Variants in IGSF11 observed in about 807,000 individuals in gnomAD.
The protein encoded by IGSF11 is immunoglobulin superfamily member 11.
Under a neutral mutation model 41.0 loss-of-function variants are expected in IGSF11, and 22 were observed. That is an observed-to-expected ratio of 0.54 (90% CI 0.38 to 0.77). IGSF11 has a LOEUF of 0.77. IGSF11 is among the 30% of genes least tolerant of loss of function. The probability of loss-of-function intolerance (pLI) is 0.00; values close to 1 mark genes in which losing one functional copy is unlikely to be tolerated. For missense variants in IGSF11, 444 were observed against 530.8 expected (o/e 0.84, Z 1.61); for synonymous variants, 219 against 201.3 (o/e 1.09, Z -0.74).
At chr3:119,000,461 G>T in intron 1 of IGSF11, among the ~76,000 whole-genome samples, 1 of 150,772 alleles carries the variant, frequency 6.6e-6, no homozygotes, top group Middle Eastern at 3.5e-3. Flanking sequence ...CTATTCTATC[G>T]TATTTAATGG....
At chr3:119,084,957 C>T (rs2076646424) in intron 1 of IGSF11, among the ~76,000 whole-genome samples, 1 of 152,154 alleles carries the variant, frequency 6.6e-6, no homozygotes. Flanking sequence ...CACAGGTTCA[C>T]AGGCTGGTGT....
chr3:119,058,190 T>A (rs915682285), intron 1 of IGSF11, among the ~76,000 whole-genome samples: 1 of 151,978 alleles, frequency 6.6e-6, no homozygotes. Flanking sequence ...ACAGGCAACC[T>A]ACAAAATGGG....
chr3:119,099,068 A>G (rs1308139451), intron 1 of IGSF11, among the ~76,000 whole-genome samples: 4 of 152,224 alleles, frequency 2.6e-5, no homozygotes. Context: ...AATAAATAAG[A>G]TATGAAAATT....
At chr3:119,035,965 G>A (rs1488074771), upstream of IGSF11, among the ~76,000 whole-genome samples, 1 of 152,114 alleles carries the variant, frequency 6.6e-6, no homozygotes. Context: ...ATGCACAGAA[G>A]AAAAATATGT....
chr3:118,921,899 T>C (rs1366213234), intron 4 of IGSF11, among the ~76,000 whole-genome samples: 1 of 152,120 alleles, frequency 6.6e-6, no homozygotes, highest in Non-Finnish European at 1.5e-5. Flanking sequence ...AGGCAAATTC[T>C]ATAGAATCAT....
chr3:118,960,990 C>T (rs1160166203), intron 1 of IGSF11, among the ~76,000 whole-genome samples: 1 of 152,180 alleles, frequency 6.6e-6, no homozygotes, highest in Non-Finnish European at 1.5e-5. Flanking sequence ...GAAATCTGAC[C>T]TGCCAAAACA....
intron 1 of IGSF11, among the ~76,000 whole-genome samples, chr3:119,110,336 A>C (rs1359450966): frequency 6.6e-6 from 1 of 151,970 alleles, no homozygotes; most frequent in African/African-American, 2.4e-5. Flanking sequence ...TCCCTTTAGC[A>C]TTATGTAATG....
At position 119,050,609 on chromosome 3, in the gene IGSF11, C is replaced by G. The variant is rs1941580694; in HGVS notation, c.49+54535G>C. 2.0e-5 allele frequency among the ~76,000 whole-genome samples: 3 copies of G among 151,978 alleles called. No individual in the cohort carries two copies. The South Asian group carries it at 6.2e-4, about 32-fold the overall frequency. ...GTGGCGATTCCTCAGGGATCTAGAA[C>G]TAGAAATACCATTTGACCCAGCCAT... On this transcript the variant is annotated intron_variant, in intron 1 of 6. Transcript: ENST00000354673.
intron 1 of IGSF11, among the ~76,000 whole-genome samples, chr3:119,081,377 G>C (rs2076583341): frequency 6.6e-6 from 1 of 151,250 alleles, no homozygotes; most frequent in Non-Finnish European, 1.5e-5. Flanking sequence ...ATTTCTTTGT[G>C]CTCTACTCGA....
intron 1 of IGSF11, among the ~76,000 whole-genome samples, chr3:118,957,698 A>G (rs892245836): frequency 6.6e-6 from 1 of 152,224 alleles, no homozygotes; most frequent in Non-Finnish European, 1.5e-5. Flanking sequence ...TGCAATTACT[A>G]GTCTCCACTT....
chr3:119,034,477 G>C (rs1397263100), intron 1 of IGSF11, 54 bp downstream of exon 1: 3 of 1,449,758 alleles, frequency 2.1e-6, no homozygotes, highest in Non-Finnish European at 2.8e-6. Context: ...GCTTCGCCCC[G>C]GGCCCGCCGA....
chr3:119,033,152 T>G (rs1940578527), intron 1 of IGSF11, among the ~76,000 whole-genome samples: 1 of 152,220 alleles, frequency 6.6e-6, no homozygotes, highest in African/African-American at 2.4e-5. Context: ...TATACACAAA[T>G]GCTATTTACA....
chr3:119,012,341 G>A (rs890954804), intron 1 of IGSF11, among the ~76,000 whole-genome samples: 8 of 152,130 alleles, frequency 5.3e-5, no homozygotes, highest in African/African-American at 1.4e-4. Flanking sequence ...AACCTTTCGT[G>A]AGCTTCCCAA....
chr3:118,993,999 T>C (rs936247465), intron 1 of IGSF11, among the ~76,000 whole-genome samples: 1 of 152,374 alleles, frequency 6.6e-6, no homozygotes, highest in African/African-American at 2.4e-5. Context: ...CACTGTACAT[T>C]GGTAAATGTT....
chr3:119,078,861 A>G (rs996538538), intron 1 of IGSF11, among the ~76,000 whole-genome samples: 5 of 152,212 alleles, frequency 3.3e-5, no homozygotes, highest in African/African-American at 1.2e-4. Flanking sequence ...AATTTAAACA[A>G]ATCAACAAGC....
chr3:119,064,268 T>G (rs116634854), intron 1 of IGSF11, among the ~76,000 whole-genome samples: 88 of 152,336 alleles, frequency 5.8e-4, no homozygotes, highest in Middle Eastern at 3.4e-3. Context: ...ATAGCCAAAA[T>G]ATTGACTGTA....
intron 1 of IGSF11, among the ~76,000 whole-genome samples, chr3:118,973,038 C>A (rs1421921041): frequency 6.6e-6 from 1 of 152,200 alleles, no homozygotes; most frequent in Non-Finnish European, 1.5e-5. Context: ...TTATTAATAT[C>A]TCCTTTTATG....
intron 3 of IGSF11, among the ~76,000 whole-genome samples, chr3:118,926,485 A>C (rs1296973108): frequency 6.6e-6 from 1 of 152,188 alleles, no homozygotes; most frequent in Non-Finnish European, 1.5e-5. Context: ...ATATGTACAA[A>C]GGGGCTTCAC....
At chr3:119,036,507 A>T (rs1419773451), upstream of IGSF11, among the ~76,000 whole-genome samples, 1 of 152,238 alleles carries the variant, frequency 6.6e-6, no homozygotes, top group Non-Finnish European at 1.5e-5. Flanking sequence ...GCAACTCTTC[A>T]TGTCACCATA....
Sources: gnomAD v4.1 joint callset for allele counts (sites outside exome capture counted in the v4.1 genomes callset) on GRCh38, gnomAD v4.1.1 for gene constraint, MANE v1.5 for transcripts, NCBI Gene and HGNC (gene_info 2026-07-23, HGNC 2026-07-21) for gene names.